The following PFKFB3 variants were observed in gnomAD, a reference collection of about 807,000 sequenced individuals.
PFKFB3 encodes the protein 6-phosphofructo-2-kinase/fructose-2,6-bisphosphatase 3.
Under a neutral mutation model 68.0 loss-of-function variants are expected in PFKFB3, and 33 were observed. That is an observed-to-expected ratio of 0.49 (90% CI 0.37 to 0.65). The LOEUF is 0.65. Among genes scored for constraint, PFKFB3 ranks in the 30% least tolerant of loss-of-function variants. The pLI is 0.00. For missense variants in PFKFB3, 586 were observed against 712.2 expected (o/e 0.82, Z 2.02); for synonymous variants, 315 against 288.2 (o/e 1.09, Z -0.94).
At chr10:6,209,767 T>TTC (rs1554849146) in intron 1 of PFKFB3, among the ~76,000 whole-genome samples, 5 of 143,466 alleles carry the variant, frequency 3.5e-5, no homozygotes, top group Admixed American at 1.4e-4. Context: ...TACCTTTTCT[T>TTC]TTTTTTTTTT....
the PFKFB3 span, among the ~76,000 whole-genome samples, chr10:6,291,908 A>G: frequency 6.7e-6 from 1 of 149,412 alleles, no homozygotes; most frequent in South Asian, 2.1e-4. Context: ...TACAACCTAC[A>G]TACACTGTTT....
At chr10:6,239,924 TG>T (rs1372956436), downstream of PFKFB3, among the ~76,000 whole-genome samples, 4 of 152,260 alleles carry the variant, frequency 2.6e-5, no homozygotes, top group Non-Finnish European at 5.9e-5. Flanking sequence ...TCTGCCCCAC[TG>T]GGCCTCCCAA....
the PFKFB3 span, chr10:6,277,667 TC>T: frequency 3.2e-6 from 1 of 315,650 alleles, no homozygotes; most frequent in African/African-American, 2.2e-5. Flanking sequence ...TGTGCCTGCT[TC>T]CCCTTTGCCT....
intron 1 of PFKFB3, among the ~76,000 whole-genome samples, chr10:6,168,513 A>T (rs1842205413): frequency 6.6e-6 from 1 of 152,204 alleles, no homozygotes; most frequent in Non-Finnish European, 1.5e-5. Flanking sequence ...GCTAAGCACA[A>T]AAGGCTTCTA....
the PFKFB3 span, among the ~76,000 whole-genome samples, chr10:6,315,788 G>T: frequency 6.6e-6 from 1 of 152,198 alleles, no homozygotes; most frequent in Non-Finnish European, 1.5e-5. Context: ...GCCTGTCCCT[G>T]TCCCTAGTAT....
chr10:6,294,673 GGA>G, the PFKFB3 span: 1 of 162,604 alleles, frequency 6.1e-6, no homozygotes, highest in African/African-American at 2.4e-5. Context: ...TTTGAGAGAT[GGA>G]GAGAGATATT....
intron 2 of PFKFB3, 87 bp downstream of exon 2, chr10:6,213,835 C>T (rs1357211189): frequency 1.5e-5 from 22 of 1,457,052 alleles, no homozygotes; most frequent in Non-Finnish European, 2.1e-5. Context: ...CAGGACCACC[C>T]CTGGGCGCCT....
At chr10:6,178,093 A>G (rs1259454586) in intron 1 of PFKFB3, among the ~76,000 whole-genome samples, 1 of 152,128 alleles carries the variant, frequency 6.6e-6, no homozygotes, top group Non-Finnish European at 1.5e-5. Context: ...TCAGGCTGCA[A>G]GTGTTGGTTT....
chr10:6,188,593 C>G (rs1027724136), intron 1 of PFKFB3, among the ~76,000 whole-genome samples: 2 of 151,802 alleles, frequency 1.3e-5, no homozygotes, highest in African/African-American at 4.8e-5. Flanking sequence ...ATCTCTAGAA[C>G]CTTTTCATCT....
At position 6,234,523 on chromosome 10, in the gene PFKFB3, G is replaced by T. The variant is rs545803813; in HGVS notation, c.*1581G>T. The T allele has an allele frequency of 6.6e-6, 1 of 152,238 alleles. No individual in the cohort carries two copies. The highest frequency in any genetic ancestry group is 1.5e-5 in the Non-Finnish European group (1 of 68,048). The allele number at this position is 152,238 out of a possible 1,614,324, so 9.4% of individuals were successfully genotyped here. ...TGAACCATTCAAGCCCTCCCCGCCC[G>T]TTGCACCCACTTTGGCTGGCGTCTG... is the stretch of plus-strand genomic sequence containing the variant. On this transcript the variant is annotated 3_prime_UTR_variant, in exon 15 of 15. Transcript: ENST00000379775.
the PFKFB3 span, among the ~76,000 whole-genome samples, chr10:6,267,618 G>C: frequency 6.6e-6 from 1 of 152,106 alleles, no homozygotes; most frequent in Non-Finnish European, 1.5e-5. Flanking sequence ...TGAATTCCCA[G>C]CCATCAAGGC....
At chr10:6,160,089 A>T (rs1841929858) in intron 1 of PFKFB3, among the ~76,000 whole-genome samples, 1 of 152,166 alleles carries the variant, frequency 6.6e-6, no homozygotes, top group Non-Finnish European at 1.5e-5. Context: ...AATTAAAACA[A>T]CTAAAACTAA....
chr10:6,177,354 C>CCCTTTCTTTCTTTCTT (rs1842505468), intron 1 of PFKFB3, among the ~76,000 whole-genome samples: 1 of 77,924 alleles, frequency 1.3e-5, no homozygotes, highest in Non-Finnish European at 2.7e-5. Context: ...CTTTTCTTTT[C>CCCTTTCTTTCTTTCTT]TCTTTCTTTC....
chr10:6,176,465 T>C (rs1217888436), intron 1 of PFKFB3, among the ~76,000 whole-genome samples: 1 of 152,176 alleles, frequency 6.6e-6, no homozygotes, highest in Non-Finnish European at 1.5e-5. Context: ...TGGAGTACAG[T>C]GGGCCCATCA....
chr10:6,239,484 G>A (rs1485802183), downstream of PFKFB3, among the ~76,000 whole-genome samples: 2 of 152,196 alleles, frequency 1.3e-5, no homozygotes, highest in African/African-American at 2.4e-5. Context: ...AGGGTTTCCT[G>A]TCCCTGGGGC....
intron 1 of PFKFB3, chr10:6,145,108 C>T (rs1403119155): frequency 3.9e-6 from 4 of 1,037,028 alleles, no homozygotes; most frequent in Non-Finnish European, 3.8e-6. Flanking sequence ...TCGCCAGGCG[C>T]GGAAGCACTG....
chr10:6,244,496 G>C (rs1846211441), intron 14 of PFKFB3, among the ~76,000 whole-genome samples: 1 of 152,282 alleles, frequency 6.6e-6, no homozygotes, highest in Admixed American at 6.5e-5. Context: ...TTTGGGCGCA[G>C]CATCCAGAAA....
chr10:6,321,887 C>T, the PFKFB3 span, among the ~76,000 whole-genome samples: 5 of 152,312 alleles, frequency 3.3e-5, no homozygotes, highest in Admixed American at 6.5e-5. Flanking sequence ...TTGCCGATTC[C>T]GCCTCCACTT....
chr10:6,148,044 T>G (rs1305664576), intron 1 of PFKFB3, among the ~76,000 whole-genome samples: 1 of 152,202 alleles, frequency 6.6e-6, no homozygotes, highest in Non-Finnish European at 1.5e-5. Flanking sequence ...ACCACGGCAT[T>G]CATTCATTCT....
Sources: gnomAD v4.1 joint callset for allele counts (sites outside exome capture counted in the v4.1 genomes callset) on GRCh38, gnomAD v4.1.1 for gene constraint, MANE v1.5 for transcripts, NCBI Gene and HGNC (gene_info 2026-07-23, HGNC 2026-07-21) for gene names.